The following KDELR2 variants were observed in gnomAD, a reference collection of about 807,000 sequenced individuals.
KDELR2 encodes ER lumen protein-retaining receptor 2.
KDELR2 carries 15 observed loss-of-function variants against 23.9 expected under a neutral mutation model. That is an observed-to-expected ratio of 0.63 (90% CI 0.42 to 0.97). The LOEUF (loss-of-function observed/expected upper bound fraction) is 0.97. Among genes scored for constraint, KDELR2 ranks in the 50% least tolerant of loss-of-function variants. The pLI is 0.00. For missense variants in KDELR2, 272 were observed against 254.6 expected (o/e 1.07, Z -0.46); for synonymous variants, 119 against 106.2 (o/e 1.12, Z -0.74).
At position 6,466,078 on chromosome 7, in the gene KDELR2, A is replaced by C. The variant is rs1168512932; in HGVS notation, c.597T>G (p.Ile199Met). The C allele has an allele frequency of 3.1e-6, 5 of 1,613,940 alleles. No homozygotes were observed. The highest frequency in any genetic ancestry group is 4.2e-6 in the Non-Finnish European group (5 of 1,179,994). Residue 199 changes from isoleucine (I) to methionine (M), a missense_variant, in exon 4 of 5, where the codon ATT becomes ATG. Ile to Met is a conservative substitution (Grantham distance 10). Coordinates refer to ENST00000258739, the MANE Select transcript of KDELR2 (RefSeq NM_006854.4). ...ILYCDFFYLY[I>M]TKVLKGKKLS... is the part of the protein sequence containing the mutation. ...AGGTCGCACCCAACATACCTTTTGT[A>C]ATGTACAAGTAGAAGAAGTCACAGT... is the stretch of plus-strand genomic sequence containing the variant.
At position 6,469,403 on chromosome 7, in the gene KDELR2, G is replaced by C. The variant is rs1459812414; in HGVS notation, c.351+193C>G. ...TCTGAGTAACTGAGATTACAGGTGC[G>C]TGCCACCACACCCAGCTAATTTTTT... On this transcript the variant is annotated intron_variant, in intron 3 of 4. Transcript: ENST00000258739. Among the ~76,000 whole-genome samples, 6 of 151,974 alleles carry C rather than the reference G, an allele frequency of 3.9e-5. No homozygotes were observed. The East Asian group carries it at 1.2e-3, about 30-fold the overall frequency.
intron 3 of KDELR2, among the ~76,000 whole-genome samples, chr7:6,467,928 C>T (rs1785537207): frequency 6.6e-6 from 1 of 152,156 alleles, no homozygotes; most frequent in African/African-American, 2.4e-5. Flanking sequence ...GCACCACAAA[C>T]CAGCTTTCCT....
intron 3 of KDELR2, among the ~76,000 whole-genome samples, chr7:6,467,177 T>C (rs1209987892): frequency 1.3e-5 from 2 of 152,206 alleles, no homozygotes; most frequent in East Asian, 1.9e-4. Context: ...CTGGACAAGC[T>C]TGTCCTGCTC....
At chr7:6,473,746 C>T (rs1482369553) in intron 2 of KDELR2, among the ~76,000 whole-genome samples, 1 of 152,176 alleles carries the variant, frequency 6.6e-6, no homozygotes, top group Admixed American at 6.5e-5. Context: ...AGCCTATAGA[C>T]AGTTCCTCAC....
intron 4 of KDELR2, among the ~76,000 whole-genome samples, chr7:6,464,676 A>G (rs111330915): frequency 0.063 from 9,485 of 151,540 alleles, 426 homozygotes; most frequent in Non-Finnish European, 0.087. Context: ...TGGGTGAGAG[A>G]GACTCGGTCT....
intron 1 of KDELR2, among the ~76,000 whole-genome samples, chr7:6,482,010 TTTATTTATTTAG>T (rs1785906344): frequency 2.0e-5 from 1 of 49,200 alleles, no homozygotes. Flanking sequence ...TATTTATTTA[TTTATTTATTTAG>T]AGACGGTTTC....
Position 6,469,044 on chromosome 7 carries a change from CG to C in KDELR2, c.351+551del, listed in dbSNP as rs1370408209. 4.0e-5 allele frequency among the ~76,000 whole-genome samples: 6 copies of C among 151,660 alleles called. No individual in the cohort carries two copies. In the East Asian group the frequency reaches 1.2e-3, roughly 30 times the overall value. ...TCAGCTCACTGCAAGCTCCACCTCC[CG>C]GGTTCACGCCATTCTCCTGCCTCAG... On this transcript the variant is annotated intron_variant, in intron 3 of 4. Coordinates refer to ENST00000258739, the MANE Select transcript of KDELR2 (RefSeq NM_006854.4).
chr7:6,466,408 G>C, intron 3 of KDELR2, 85 bp from the exon 4 acceptor site: 7 of 1,542,492 alleles, frequency 4.5e-6, no homozygotes, highest in African/African-American at 1.4e-5. Flanking sequence ...TTACCACAAA[G>C]CAGCCTAAGA....
intron 1 of KDELR2, among the ~76,000 whole-genome samples, chr7:6,477,808 C>T (rs575161063): frequency 3.3e-5 from 5 of 152,166 alleles, no homozygotes; most frequent in Admixed American, 1.3e-4. Context: ...TAGAAGTTTT[C>T]GAATGAAGAA....
At position 6,461,852 on chromosome 7, in the gene KDELR2, T is replaced by C. The variant is rs1238691384; in HGVS notation, c.*1289A>G. ...ATCAAAAAATAGCAAATCCATATAA[T>C]GGCAAAATCAGGAAAAAAATTCTAG... is the stretch of plus-strand genomic sequence containing the variant. On this transcript the variant is annotated 3_prime_UTR_variant, in exon 5 of 5. Transcript: ENST00000258739. The C allele has an allele frequency of 6.6e-6, 1 of 152,068 alleles. No individual in the cohort carries two copies. Among genetic ancestry groups the C allele is most frequent in the Non-Finnish European group, 1.5e-5 (1 of 68,008 alleles). 9.4% of individuals were successfully genotyped at this position (152,068 alleles called of 1,614,324 possible).
chr7:6,480,987 C>G (rs1325855369), intron 1 of KDELR2, among the ~76,000 whole-genome samples: 1 of 152,186 alleles, frequency 6.6e-6, no homozygotes, highest in East Asian at 1.9e-4. Context: ...GTTAACTCAT[C>G]TATTTCACTT....
At chr7:6,469,244 G>GCA (rs1246594063) in intron 3 of KDELR2, among the ~76,000 whole-genome samples, 2 of 151,810 alleles carry the variant, frequency 1.3e-5, no homozygotes, top group Non-Finnish European at 2.9e-5. Flanking sequence ...GAGCCACTAC[G>GCA]CCCAGCCATA....
intron 1 of KDELR2, among the ~76,000 whole-genome samples, chr7:6,477,997 T>A (rs1472876076): frequency 6.6e-6 from 1 of 152,170 alleles, no homozygotes; most frequent in East Asian, 1.9e-4. Flanking sequence ...AAATAAGACA[T>A]GAACATTTTA....
intron 1 of KDELR2, among the ~76,000 whole-genome samples, chr7:6,480,806 T>C (rs1785872744): frequency 6.6e-6 from 1 of 152,198 alleles, no homozygotes; most frequent in African/African-American, 2.4e-5. Flanking sequence ...TAATTTAGTA[T>C]GGAAAAATAA....
At chr7:6,476,517 A>G (rs958711949) in intron 1 of KDELR2, among the ~76,000 whole-genome samples, 1 of 152,244 alleles carries the variant, frequency 6.6e-6, no homozygotes, top group African/African-American at 2.4e-5. Flanking sequence ...GGTTCTTTCC[A>G]ATATTTTAAA....
intron 3 of KDELR2, among the ~76,000 whole-genome samples, chr7:6,467,000 T>C (rs1240376399): frequency 6.6e-6 from 1 of 152,184 alleles, no homozygotes; most frequent in Non-Finnish European, 1.5e-5. Context: ...TGAGGACTCC[T>C]GGCATAAATC....
chr7:6,481,933 A>G (rs1429447998), intron 1 of KDELR2, among the ~76,000 whole-genome samples: 2 of 151,988 alleles, frequency 1.3e-5, no homozygotes, highest in African/African-American at 4.8e-5. Flanking sequence ...TCCCACCTCC[A>G]CAGAATGGGA....
intron 1 of KDELR2, among the ~76,000 whole-genome samples, chr7:6,481,319 C>G (rs2115335382): frequency 7.4e-6 from 1 of 135,564 alleles, no homozygotes; most frequent in African/African-American, 2.8e-5. Context: ...GAGCCGAGAT[C>G]ACACCATTGC....
chr7:6,466,249 C>A lies in KDELR2; in HGVS notation c.426G>T (p.Gly142=). The change falls in exon 4 of 5, where the codon GGG becomes GGT. Residue 142 remains glycine (G), a synonymous_variant. Transcript: ENST00000258739. ...AGTGGGTGGTGATGGTCTCGGCCTC[C>A]CCAGTCTTGCTGATCATAAATAGCT... ...LPQLFMISKT[G]EAETITTHYL... 3 of 1,614,042 alleles carry A rather than the reference C, an allele frequency of 1.9e-6. No individual in the cohort carries two copies. Among genetic ancestry groups the A allele is most frequent in the Non-Finnish European group, 2.5e-6 (3 of 1,179,976 alleles).
Sources: gnomAD v4.1 joint callset for allele counts (sites outside exome capture counted in the v4.1 genomes callset) on GRCh38, gnomAD v4.1.1 for gene constraint, MANE v1.5 for transcripts, NCBI Gene and HGNC (gene_info 2026-07-23, HGNC 2026-07-21) for gene names.